Variants in FANCC observed in about 807,000 individuals in gnomAD.
The protein encoded by FANCC is FA complementation group C, also known as Fanconi anemia group C protein.
A neutral mutation model predicts 71.3 loss-of-function variants in FANCC; 55 were observed. The observed-to-expected ratio is 0.77, with a 90% confidence interval of 0.62 to 0.97. The LOEUF is 0.97. FANCC is among the 50% of genes least tolerant of loss of function. The pLI is 0.00. For synonymous variants in FANCC, 275 were observed against 244.9 expected (o/e 1.12, Z -1.15); for missense variants, 678 against 670.9 (o/e 1.01, Z -0.12).
chr9:95,127,983 G>A (rs1826263530), intron 8 of FANCC, among the ~76,000 whole-genome samples: 2 of 152,310 alleles, frequency 1.3e-5, no homozygotes, highest in South Asian at 4.1e-4. Context: ...CTTCACTGAT[G>A]TGCATTTTTA....
chr9:95,183,543 T>A (rs1454198330), intron 4 of FANCC, among the ~76,000 whole-genome samples: 1 of 152,232 alleles, frequency 6.6e-6, no homozygotes, highest in East Asian at 1.9e-4. Context: ...TTTTCACAAT[T>A]TGCTTTCCTA....
intron 3 of FANCC, among the ~76,000 whole-genome samples, chr9:95,246,772 C>T (rs564241989): frequency 6.6e-6 from 1 of 152,286 alleles, no homozygotes; most frequent in South Asian, 2.1e-4. Context: ...ACACAAAGTG[C>T]CTTCAGGCAC....
At chr9:95,224,675 T>C (rs1399579167) in intron 4 of FANCC, among the ~76,000 whole-genome samples, 1 of 152,190 alleles carries the variant, frequency 6.6e-6, no homozygotes, top group Non-Finnish European at 1.5e-5. Context: ...TTGACTACTT[T>C]AGGTGCCTTA....
At chr9:95,182,071 A>G (rs556583817) in intron 4 of FANCC, among the ~76,000 whole-genome samples, 50 of 152,336 alleles carry the variant, frequency 3.3e-4, no homozygotes, top group South Asian at 3.1e-3. Context: ...GCAAAGGGCT[A>G]GGAGAGCCAA....
chr9:95,285,484 A>T (rs1174158329), intron 1 of FANCC, among the ~76,000 whole-genome samples: 1 of 152,208 alleles, frequency 6.6e-6, no homozygotes, highest in South Asian at 2.1e-4. Context: ...TTCAACAAAC[A>T]TCTACTAAAT....
Position 95,126,545 on chromosome 9 carries a change from C to T in FANCC, c.880G>A (p.Val294Ile), listed in dbSNP as rs758549385. ...AACHPAIFRV[V>I]DEMFRCALLE... Reference sequence around the variant, plus strand: ...AACGTTTACCTGAACATCTCATCAACAACCCGGAATATGGCAGGGTGGCAG... The same window carrying T: ...AACGTTTACCTGAACATCTCATCAATAACCCGGAATATGGCAGGGTGGCAG... The change falls in exon 9 of 15, where the codon GTT (valine) becomes ATT (isoleucine). Residue 294 changes from valine (V) to isoleucine (I), a missense_variant. Val to Ile is a conservative substitution (Grantham distance 29, BLOSUM62 3). Coordinates refer to ENST00000289081, the MANE Select transcript of FANCC (RefSeq NM_000136.3). 2.5e-6 allele frequency: 4 copies of T among 1,614,076 alleles called. No homozygotes were observed. The Admixed American group carries it at 5.0e-5, about 20-fold the overall frequency.
At chr9:95,293,199 CGA>C in intron 1 of FANCC, 2 of 1,611,902 alleles carry the variant, frequency 1.2e-6, no homozygotes, top group Non-Finnish European at 1.7e-6. Context: ...ACAACATCAC[CGA>C]GATAGCCTCA....
chr9:95,193,753 T>A (rs976832413), intron 4 of FANCC, among the ~76,000 whole-genome samples: 3 of 152,072 alleles, frequency 2.0e-5, no homozygotes, highest in African/African-American at 7.2e-5. Context: ...GCAATGGCAA[T>A]GAAGAGAAAA....
chr9:95,189,402 C>T (rs1295899356), intron 4 of FANCC, among the ~76,000 whole-genome samples: 1 of 152,148 alleles, frequency 6.6e-6, no homozygotes, highest in South Asian at 2.1e-4. Context: ...TTTACATAGC[C>T]TATTCCGTGA....
intron 1 of FANCC, chr9:95,293,281 T>C (rs1834168647): frequency 6.2e-7 from 1 of 1,613,572 alleles, no homozygotes; most frequent in African/African-American, 1.3e-5. Flanking sequence ...CTCTCATGCC[T>C]GTCTTTGTGC....
rs1554828443 is a variant in FANCC, at chr9:95,107,233, T to C, written c.1366A>G (p.Met456Val). 1 of 1,614,002 alleles carries C rather than the reference T, an allele frequency of 6.2e-7. No individual in the cohort carries two copies. The highest frequency in any genetic ancestry group is 8.5e-7 in the Non-Finnish European group (1 of 1,180,018). The change falls in exon 14 of 15, where the codon ATG (methionine) becomes GTG (valine). Residue 456 changes from methionine to valine, a missense_variant. By Grantham distance (21) the Met-to-Val change is conservative. Coordinates refer to ENST00000289081, the MANE Select transcript of FANCC (RefSeq NM_000136.3). ...GCTGAGAGGCTGCTGCTTCTGGACATTGCCAGGAGGTGGCCCAGCACGGCC... is the reference window on the plus strand; with the variant it reads ...GCTGAGAGGCTGCTGCTTCTGGACACTGCCAGGAGGTGGCCCAGCACGGCC... ...VKAVLGHLLA[M>V]SRSSSLSAQD...
chr9:95,190,395 CCTT>C (rs1490229393), intron 4 of FANCC, among the ~76,000 whole-genome samples: 2 of 152,214 alleles, frequency 1.3e-5, no homozygotes, highest in East Asian at 1.9e-4. Context: ...ACCTCTCCCT[CCTT>C]CTAATTACTC....
intron 1 of FANCC, among the ~76,000 whole-genome samples, chr9:95,289,417 C>T (rs768015806): frequency 2.0e-5 from 3 of 151,980 alleles, no homozygotes; most frequent in Admixed American, 6.6e-5. Flanking sequence ...CCTTGAAGTG[C>T]GCGTGAGTAT....
At chr9:95,209,435 T>C (rs948854740) in intron 4 of FANCC, among the ~76,000 whole-genome samples, 3 of 152,160 alleles carry the variant, frequency 2.0e-5, no homozygotes, top group African/African-American at 7.2e-5. Context: ...TGCATCCCTC[T>C]GGAGGGGACT....
intron 4 of FANCC, among the ~76,000 whole-genome samples, chr9:95,224,860 G>T (rs1284605034): frequency 6.6e-6 from 1 of 152,126 alleles, no homozygotes; most frequent in Non-Finnish European, 1.5e-5. Flanking sequence ...AAAGCCTCCT[G>T]ATTAGCCAGA....
chr9:95,160,506 T>C (rs1830680918), intron 6 of FANCC, among the ~76,000 whole-genome samples: 2 of 152,218 alleles, frequency 1.3e-5, no homozygotes, highest in East Asian at 1.9e-4. Context: ...GTCTTGGCAA[T>C]GTGGGCTCTT....
intron 1 of FANCC, among the ~76,000 whole-genome samples, chr9:95,282,889 C>T (rs1437142361): frequency 2.6e-5 from 4 of 151,868 alleles, no homozygotes; most frequent in Non-Finnish European, 4.4e-5. Flanking sequence ...CAAATGAAAA[C>T]GGAAACATAA....
At chr9:95,126,418 ACT>A (rs1825981648) in intron 9 of FANCC, 109 bp downstream of exon 9, 3 of 1,062,706 alleles carry the variant, frequency 2.8e-6, no homozygotes, top group Non-Finnish European at 4.3e-6. Context: ...GGAATCAGAA[ACT>A]CTAATTTCCC....
At chr9:95,211,052 C>T (rs1469586905) in intron 4 of FANCC, among the ~76,000 whole-genome samples, 1 of 152,188 alleles carries the variant, frequency 6.6e-6, no homozygotes, top group East Asian at 1.9e-4. Context: ...ACTTCTAACC[C>T]TAGCAAGCTA....
Sources: allele counts gnomAD v4.1 joint callset (sites outside exome capture counted in the v4.1 genomes callset), GRCh38; gene constraint gnomAD v4.1.1; transcripts MANE v1.5; gene names NCBI Gene and HGNC (gene_info 2026-07-23, HGNC 2026-07-21).